The following ATP8A2 variants were observed in gnomAD, a reference collection of about 807,000 sequenced individuals.
ATP8A2 encodes phospholipid-transporting ATPase IB.
Under a neutral mutation model 165.6 loss-of-function variants are expected in ATP8A2, and 100 were observed. That is an observed-to-expected ratio of 0.60 (90% CI 0.51 to 0.71). ATP8A2 has a LOEUF of 0.71. Among genes scored for constraint, ATP8A2 ranks in the 30% least tolerant of loss-of-function variants. ATP8A2 has a pLI of 0.00. For synonymous variants in ATP8A2, 543 were observed against 548.8 expected, an observed-to-expected ratio of 0.99 and a Z score of 0.15; for missense variants, 1,227 against 1,479.5, an observed-to-expected ratio of 0.83 and a Z score of 2.80.
At chr13:25,752,690 T>C (rs1715691609) in intron 25 of ATP8A2, among the ~76,000 whole-genome samples, 1 of 152,182 alleles carries the variant, frequency 6.6e-6, no homozygotes, top group African/African-American at 2.4e-5. Context: ...CAAGCATAGC[T>C]CAATGCAGCC....
chr13:25,599,271 T>C (rs573061657), intron 24 of ATP8A2, among the ~76,000 whole-genome samples: 2 of 152,208 alleles, frequency 1.3e-5, no homozygotes, highest in Non-Finnish European at 2.9e-5. Flanking sequence ...CCCAGCATTC[T>C]CTAACATTCT....
intron 24 of ATP8A2, among the ~76,000 whole-genome samples, chr13:25,615,384 C>A (rs1265242398): frequency 6.6e-6 from 1 of 152,132 alleles, no homozygotes; most frequent in Non-Finnish European, 1.5e-5. Flanking sequence ...GGTCTCATTC[C>A]TACCGTATGT....
intron 1 of ATP8A2, among the ~76,000 whole-genome samples, chr13:25,392,297 G>C (rs1210107362): frequency 4.6e-5 from 7 of 152,202 alleles, no homozygotes; most frequent in Admixed American, 4.6e-4. Context: ...GTGATTTTGG[G>C]ACCCGAGTCA....
chr13:25,705,107 A>G (rs1277503884), intron 25 of ATP8A2: 1 of 403,248 alleles, frequency 2.5e-6, no homozygotes, highest in Non-Finnish European at 4.8e-6. Context: ...AATATGTTCA[A>G]GAAAGAGTTA....
rs1007404557 is a variant in ATP8A2 at position 25,720,167 on chromosome 13, C to CTTTTTTTTTTTTTTTTTTTT, written c.2384+20840_2384+20841insTTTTTTTTTTTTTTTTTTTT. 1.8e-4 allele frequency among the ~76,000 whole-genome samples: 21 copies of CTTTTTTTTTTTTTTTTTTTT among 117,288 alleles called. 1 individual carries two copies. The highest frequency in any genetic ancestry group is 5.3e-4 in the African/African-American group (14 of 26,326). The allele number at this position is 117,288 out of a possible 152,430, so 76.9% of individuals were successfully genotyped here. A position where few individuals can be genotyped will look rare whatever the true frequency, so the allele number is the denominator to read the frequency against. On this transcript the variant is annotated intron_variant, in intron 25 of 36. Transcript: ENST00000381655. Reference sequence around the variant, plus strand: ...GACCTCCGATAAATGTATACTTTTTCTTTTTTTTTTTTTTTTTTGAGAAGG... The same window carrying CTTTTTTTTTTTTTTTTTTTT: ...GACCTCCGATAAATGTATACTTTTTCTTTTTTTTTTTTTTTTTTTTTTTTTTTTTTTTTTTTTTGAGAAGG...
intron 27 of ATP8A2, among the ~76,000 whole-genome samples, chr13:25,793,353 T>A (rs1165879774): frequency 6.6e-6 from 1 of 152,198 alleles, no homozygotes; most frequent in African/African-American, 2.4e-5. Context: ...ACATAGACTT[T>A]ATATTAAGTC....
intron 12 of ATP8A2, among the ~76,000 whole-genome samples, chr13:25,554,310 G>T (rs772182535): frequency 6.6e-6 from 1 of 152,174 alleles, no homozygotes; most frequent in Non-Finnish European, 1.5e-5. Context: ...TTGATTGTAA[G>T]GGTGGAGATA....
intron 33 of ATP8A2, among the ~76,000 whole-genome samples, chr13:25,957,183 AG>A (rs942368993): frequency 6.6e-6 from 1 of 152,252 alleles, no homozygotes; most frequent in Non-Finnish European, 1.5e-5. Context: ...AAGAAAACCT[AG>A]GCAATGCCAT....
intron 27 of ATP8A2, among the ~76,000 whole-genome samples, chr13:25,792,301 C>T (rs1175865600): frequency 6.6e-6 from 1 of 152,210 alleles, no homozygotes; most frequent in Non-Finnish European, 1.5e-5. Context: ...TATTTCCTCT[C>T]AGCAGCAGGT....
At chr13:25,992,950 G>T in intron 35 of ATP8A2, among the ~76,000 whole-genome samples, 1 of 138,600 alleles carries the variant, frequency 7.2e-6, no homozygotes, top group African/African-American at 2.7e-5. Context: ...TTGGTTTTTT[G>T]TTCTTGCGAT....
intron 1 of ATP8A2, among the ~76,000 whole-genome samples, chr13:25,421,653 G>C (rs1268938671): frequency 6.6e-6 from 1 of 152,248 alleles, no homozygotes; most frequent in Non-Finnish European, 1.5e-5. Flanking sequence ...TTTTAAAAGA[G>C]AAGTAAACTA....
At chr13:25,659,712 G>A (rs566205843) in intron 24 of ATP8A2, among the ~76,000 whole-genome samples, 27 of 152,276 alleles carry the variant, frequency 1.8e-4, no homozygotes, top group East Asian at 3.9e-4. Context: ...ACTTTCCTAA[G>A]AAACTTGTAA....
chr13:26,001,643 T>C (rs748572381), intron 35 of ATP8A2, among the ~76,000 whole-genome samples: 4 of 152,242 alleles, frequency 2.6e-5, no homozygotes, highest in Non-Finnish European at 5.9e-5. Context: ...ATTATCTTCA[T>C]GTGCTTTTTG....
At chr13:25,609,182 G>C (rs1203154475) in intron 24 of ATP8A2, among the ~76,000 whole-genome samples, 1 of 151,894 alleles carries the variant, frequency 6.6e-6, no homozygotes, top group African/African-American at 2.4e-5. Flanking sequence ...AAACTAATGA[G>C]ATAGGCAACA....
intron 24 of ATP8A2, among the ~76,000 whole-genome samples, chr13:25,662,008 T>G (rs1308613994): frequency 6.6e-6 from 1 of 152,206 alleles, no homozygotes; most frequent in Admixed American, 6.5e-5. Context: ...TTAAGAATTC[T>G]GAAGTGTGAT....
In ATP8A2 at chr13:25,803,256, G is replaced by A. The variant is rs147690754; in HGVS notation, c.2680-24862G>A. Among the ~76,000 whole-genome samples, 384 of 152,180 alleles carry A rather than the reference G, an allele frequency of 2.5e-3. 1 individual carries two copies. The highest frequency in any genetic ancestry group is 8.8e-3 in the African/African-American group (366 of 41,534). The stretch of plus-strand genomic sequence containing the variant: ...AATATGTATGTGGTCAGGTTTCATG[G>A]CTTTTTCAAGTGACTAACTACAGGT... On this transcript the variant is annotated intron_variant, in intron 27 of 36. Transcript: ENST00000381655.
intron 24 of ATP8A2, among the ~76,000 whole-genome samples, chr13:25,595,741 C>T (rs556427899): frequency 1.5e-4 from 23 of 152,266 alleles, no homozygotes; most frequent in African/African-American, 4.8e-4. Flanking sequence ...CCCTACTAAT[C>T]GTACAGAACC....
intron 25 of ATP8A2, among the ~76,000 whole-genome samples, chr13:25,762,231 T>C (rs1055692318): frequency 1.8e-5 from 2 of 114,152 alleles, no homozygotes; most frequent in Admixed American, 2.6e-4. Flanking sequence ...ATCATTCCAT[T>C]GCACTCCAGC....
rs180734036 is a variant in ATP8A2 at position 25,415,277 on chromosome 13, T to C, written c.76+42989T>C. On this transcript the variant is annotated intron_variant, in intron 1 of 36. Coordinates refer to ENST00000381655, the MANE Select transcript of ATP8A2 (RefSeq NM_016529.6). Reference sequence around the variant, plus strand: ...TATGTGGCCCCAAATCTTGGGGCAATGCTTGACTGCCCTTTCTCTCACCTA... The same window carrying C: ...TATGTGGCCCCAAATCTTGGGGCAACGCTTGACTGCCCTTTCTCTCACCTA... 9.1e-3 allele frequency among the ~76,000 whole-genome samples: 1,385 copies of C among 152,284 alleles called. 18 individuals are homozygous for C. The highest frequency in any genetic ancestry group is 0.013 in the Non-Finnish European group (868 of 68,014).
Sources: allele counts gnomAD v4.1 joint callset (sites outside exome capture counted in the v4.1 genomes callset), GRCh38; gene constraint gnomAD v4.1.1; transcripts MANE v1.5; gene names NCBI Gene and HGNC (gene_info 2026-07-23, HGNC 2026-07-21).